PCDHGA7: variants seen among roughly 807,000 people sequenced by gnomAD.
PCDHGA7 encodes protocadherin gamma subfamily A, 7, also known as protocadherin gamma-A7.
A neutral mutation model predicts 58.3 loss-of-function variants in PCDHGA7; 44 were observed. That is an observed-to-expected ratio of 0.75 (90% confidence interval 0.59 to 0.97). The LOEUF is 0.97. Among genes scored for constraint, PCDHGA7 ranks in the 50% least tolerant of loss-of-function variants. PCDHGA7 has a pLI of 0.00. For synonymous variants in PCDHGA7, 516 were observed against 504.2 expected (o/e 1.02, Z -0.31); for missense variants, 1,266 against 1,188.7 (o/e 1.06, Z -0.96).
At position 141,486,114 on chromosome 5, in the gene PCDHGA7, A is replaced by G; in HGVS notation, c.2425-8693A>G. On this transcript the variant is annotated intron_variant, in intron 1 of 3. Coordinates refer to ENST00000518325, the MANE Select transcript of PCDHGA7 (RefSeq NM_018920.4). This position sits in a 1 kb window ranked among gnomAD's most constrained non-coding sequence, Gnocchi z 5.0. ...GGGCCCCTAGACTTTGAGAGTGAGAATTACTATGAATTTGATGTGCGGGCT... is the reference window on the plus strand; with the variant it reads ...GGGCCCCTAGACTTTGAGAGTGAGAGTTACTATGAATTTGATGTGCGGGCT... 3 of 1,614,082 alleles carry G rather than the reference A, an allele frequency of 1.9e-6. No individual in the cohort carries two copies. Among genetic ancestry groups the G allele is most frequent in the South Asian group, 2.2e-5 (2 of 91,072 alleles).
chr5:141,488,497 C>T (rs1054409265), intron 1 of PCDHGA7, among the ~76,000 whole-genome samples: 3 of 152,204 alleles, frequency 2.0e-5, no homozygotes, highest in South Asian at 2.1e-4. Flanking sequence ...CTGTAACACT[C>T]ATTCCACATT....
At chr5:141,474,881 C>A (rs2099356099) in intron 1 of PCDHGA7, among the ~76,000 whole-genome samples, 1 of 152,244 alleles carries the variant, frequency 6.6e-6, no homozygotes, top group South Asian at 2.1e-4. Context: ...AGCAGGAACT[C>A]TTAGAGGTTC....
In PCDHGA7 at chr5:141,478,732, T is replaced by C. The variant is rs772167680; in HGVS notation, c.2425-16075T>C. 7.2e-6 allele frequency: 11 copies of C among 1,537,428 alleles called. No homozygotes were observed. In the South Asian group the frequency reaches 1.2e-4, roughly 17 times the overall value. On this transcript the variant is annotated intron_variant, in intron 1 of 3. Transcript: ENST00000518325. ...GAGATGGTGGCCTGCCAGAGTGTGG[T>C]TTGTGGTCCCATTTCAGGGGGAAGA...
chr5:141,418,224 T>C (rs756997971), intron 1 of PCDHGA7: 1 of 1,613,998 alleles, frequency 6.2e-7, no homozygotes, highest in Non-Finnish European at 8.5e-7. Flanking sequence ...GTCATTGTGG[T>C]GATTGAGGAT....
In PCDHGA7 at chr5:141,383,840, T is replaced by C. The variant is rs190731749; in HGVS notation, c.941T>C (p.Phe314Ser). 1.9e-6 allele frequency: 3 copies of C among 1,613,952 alleles called. No homozygotes were observed. In the East Asian group the frequency reaches 6.7e-5, roughly 36 times the overall value. Reference protein sequence around the residue: ...LEGLDYEETAFYEMEVQAQDG... With the variant: ...LEGLDYEETASYEMEVQAQDG... Reference sequence around the variant, plus strand: ...GGATTAGATTATGAAGAAACTGCCTTCTATGAAATGGAGGTTCAGGCTCAA... The same window carrying C: ...GGATTAGATTATGAAGAAACTGCCTCCTATGAAATGGAGGTTCAGGCTCAA... Residue 314 changes from phenylalanine (F) to serine (S), a missense_variant, in exon 1 of 4, where the codon TTC (phenylalanine) becomes TCC (serine). Transcript: ENST00000518325.
chr5:141,413,166 C>A (rs758193163), intron 1 of PCDHGA7: 3 of 1,590,396 alleles, frequency 1.9e-6, no homozygotes, highest in South Asian at 2.3e-5. Flanking sequence ...AATTCTGTAA[C>A]CAGACTACAA....
chr5:141,496,916 T>C (rs1252437822), intron 2 of PCDHGA7, among the ~76,000 whole-genome samples: 4 of 148,274 alleles, frequency 2.7e-5, no homozygotes, highest in African/African-American at 9.9e-5. Context: ...CTGGGCACTG[T>C]GGTTCACGCC....
intron 1 of PCDHGA7, chr5:141,388,948 T>C (rs751779962): frequency 7.4e-6 from 12 of 1,613,904 alleles, no homozygotes; most frequent in Admixed American, 1.7e-5. Context: ...AACCTAATTA[T>C]GGAGGACGCC....
Position 141,490,526 on chromosome 5 carries a change from C to T in PCDHGA7, c.2425-4281C>T, listed in dbSNP as rs1270447529. 6.2e-7 allele frequency: 1 copy of T among 1,614,116 alleles called. No homozygotes were observed. Among genetic ancestry groups the T allele is most frequent in the Non-Finnish European group, 8.5e-7 (1 of 1,180,008 alleles). ...ATCATCGAGCTGCTGGCCAGCGATGCTGGTTCACCTTCCCTACACAAACAT... is the reference window on the plus strand; with the variant it reads ...ATCATCGAGCTGCTGGCCAGCGATGTTGGTTCACCTTCCCTACACAAACAT... On this transcript the variant is annotated intron_variant, in intron 1 of 3. Coordinates refer to ENST00000518325, the MANE Select transcript of PCDHGA7 (RefSeq NM_018920.4). The surrounding 1 kb of genome is among the most constrained non-coding windows in gnomAD (Gnocchi z 5.4).
intron 1 of PCDHGA7, among the ~76,000 whole-genome samples, chr5:141,448,917 C>T (rs913804081): frequency 2.6e-5 from 4 of 152,130 alleles, no homozygotes; most frequent in African/African-American, 9.7e-5. Context: ...TGCACTCCAG[C>T]CTGGGCGACA....
Position 141,415,740 on chromosome 5 carries a change from G to GTTTTTTTTTTTTTTT in PCDHGA7, c.2424+30435_2424+30449dup, listed in dbSNP as rs57426385. 67 of 625,038 alleles carry GTTTTTTTTTTTTTTT rather than the reference G, an allele frequency of 1.1e-4. 1 individual carries two copies. Among genetic ancestry groups the GTTTTTTTTTTTTTTT allele is most frequent in the African/African-American group, 2.5e-4 (10 of 39,932 alleles). The allele number at this position is 625,038 out of a possible 1,614,324, so 38.7% of individuals were successfully genotyped here. A position where few individuals can be genotyped will look rare whatever the true frequency, so the allele number is the denominator to read the frequency against. ...TGAGTAGAATTTGATGTTTATTAAG[G>GTTTTTTTTTTTTTTT]TTTTTTTTTTTTTTTTTTTTTTTTT... On this transcript the variant is annotated intron_variant, in intron 1 of 3. Coordinates refer to ENST00000518325, the MANE Select transcript of PCDHGA7 (RefSeq NM_018920.4).
intron 1 of PCDHGA7, among the ~76,000 whole-genome samples, chr5:141,407,428 G>A (rs1211459456): frequency 6.6e-6 from 1 of 151,524 alleles, no homozygotes; most frequent in Non-Finnish European, 1.5e-5. Context: ...AATGTCTCTT[G>A]CCCTTAAAAC....
chr5:141,409,759 C>A, intron 1 of PCDHGA7: 1 of 1,612,958 alleles, frequency 6.2e-7, no homozygotes, highest in Non-Finnish European at 8.5e-7. Flanking sequence ...CGCAGCGCGC[C>A]TTTGATCACG....
chr5:141,403,403 C>G (rs755177334), intron 1 of PCDHGA7: 2 of 1,614,066 alleles, frequency 1.2e-6, no homozygotes, highest in Non-Finnish European at 1.7e-6. Context: ...TCCTGGAGCA[C>G]GTTATCCACT....
chr5:141,431,053 G>A lies in PCDHGA7; in HGVS notation c.2424+45730G>A, dbSNP rs1208370015. On this transcript the variant is annotated intron_variant, in intron 1 of 3. Coordinates refer to ENST00000518325, the MANE Select transcript of PCDHGA7 (RefSeq NM_018920.4). This position sits in a 1 kb window ranked among gnomAD's most constrained non-coding sequence, Gnocchi z 4.8. ...TAGACCGGGAGGAGCTCTGTATGGG[G>A]GCCATCAAGTGTCAATTAAATCTAG... 1 of 1,614,174 alleles carries A rather than the reference G, an allele frequency of 6.2e-7. No homozygotes were observed. Among genetic ancestry groups the A allele is most frequent in the Admixed American group, 1.7e-5 (1 of 60,030 alleles).
intron 1 of PCDHGA7, chr5:141,404,860 T>C (rs3749769): frequency 0.09 from 144,859 of 1,613,622 alleles, 7,500 homozygotes; most frequent in African/African-American, 0.18. Context: ...TAGATAGAGA[T>C]GCGCTCAAAC....
In PCDHGA7 at chr5:141,410,620, G is replaced by C. The variant is rs765125633; in HGVS notation, c.2424+25297G>C. ...CTTCACATCCTGAGACTCTGACTTC[G>C]GTGAGTTTCTCTTTTTTGTGTGTGA... On this transcript the variant is annotated intron_variant, in intron 1 of 3. Coordinates refer to ENST00000518325, the MANE Select transcript of PCDHGA7 (RefSeq NM_018920.4). The C allele has an allele frequency of 3.4e-5, 55 of 1,603,406 alleles. 1 individual carries two copies. The highest frequency in any genetic ancestry group is 2.8e-4 in the Admixed American group (17 of 59,744).
intron 3 of PCDHGA7, among the ~76,000 whole-genome samples, chr5:141,509,345 G>A (rs1203328830): frequency 6.6e-6 from 1 of 152,196 alleles, no homozygotes; most frequent in Non-Finnish European, 1.5e-5. Flanking sequence ...GGCCTGGGCT[G>A]GCCTGGGCAT....
chr5:141,409,213 C>T (rs1379007048), intron 1 of PCDHGA7: 1 of 1,613,994 alleles, frequency 6.2e-7, no homozygotes, highest in Admixed American at 1.7e-5. Context: ...TCATAGAAAT[C>T]CTTGATGAAA....
Sources: gnomAD v4.1 joint callset for allele counts (sites outside exome capture counted in the v4.1 genomes callset) on GRCh38, gnomAD v4.1.1 for gene constraint, Gnocchi (gnomAD v3.1) non-coding constraint, MANE v1.5 for transcripts, NCBI Gene and HGNC (gene_info 2026-07-23, HGNC 2026-07-21) for gene names.